Variants in SBNO1 observed in about 807,000 individuals in gnomAD.
The protein encoded by SBNO1 is strawberry notch homolog 1, also known as protein strawberry notch homolog 1.
In SBNO1, 23 loss-of-function variants were observed where a neutral mutation model predicts 173.6. The observed-to-expected ratio is 0.13, with a 90% confidence interval of 0.10 to 0.19. The LOEUF is 0.19. SBNO1 is among the 10% of genes least tolerant of loss of function. SBNO1 has a pLI of 1.00. For missense variants in SBNO1, 1,238 were observed against 1,671.2 expected (o/e 0.74, Z 4.52); for synonymous variants, 632 against 571.5 (o/e 1.11, Z -1.51).
intron 4 of SBNO1, among the ~76,000 whole-genome samples, chr12:123,342,212 T>TG (rs1872649318): frequency 6.6e-6 from 1 of 151,672 alleles, no homozygotes; most frequent in African/African-American, 2.4e-5. Context: ...ATTGCATCAT[T>TG]GAACTCCAGC....
intron 28 of SBNO1, among the ~76,000 whole-genome samples, chr12:123,306,764 G>C (rs1365232569): frequency 6.6e-6 from 1 of 152,046 alleles, no homozygotes; most frequent in African/African-American, 2.4e-5. Context: ...TCTTGGTTGT[G>C]ATATTACACT....
chr12:123,315,645 G>C lies in SBNO1; in HGVS notation c.2951C>G (p.Ser984Ter). The change falls in exon 22 of 32, where the codon TCA (serine) becomes TGA (stop). Residue 984 changes from serine to a stop codon, truncating the protein, a stop_gained. Coordinates refer to ENST00000602398, the MANE Select transcript of SBNO1 (RefSeq NM_001167856.3). LOFTEE classifies it high-confidence loss of function. Reference protein sequence around the residue: ...AIQQFGRTHRSNQVTAPEYVF... With the variant: ...AIQQFGRTHR The stretch of plus-strand genomic sequence containing the variant: ...ATACTCAGGAGCAGTAACTTGGTTT[G>C]ATCTATGAGTACGTCCTGCAACGAA... 1 of 1,611,026 alleles carries C rather than the reference G, an allele frequency of 6.2e-7. No homozygotes were observed. The highest frequency in any genetic ancestry group is 8.5e-7 in the Non-Finnish European group (1 of 1,177,348).
At chr12:123,311,374 GA>G (rs1279918392) in intron 24 of SBNO1, among the ~76,000 whole-genome samples, 2 of 152,088 alleles carry the variant, frequency 1.3e-5, no homozygotes, top group African/African-American at 4.8e-5. Context: ...TACATGTTAA[GA>G]TTCTTTTCTT....
chr12:123,307,503 A>G (rs1040956555), intron 28 of SBNO1, among the ~76,000 whole-genome samples: 4 of 152,224 alleles, frequency 2.6e-5, no homozygotes, highest in African/African-American at 7.2e-5. Flanking sequence ...TGCCTGTGCC[A>G]TCATCATACA....
intron 4 of SBNO1, among the ~76,000 whole-genome samples, chr12:123,343,527 C>T (rs1593397481): frequency 6.6e-6 from 1 of 151,150 alleles, no homozygotes; most frequent in South Asian, 2.1e-4. Context: ...CTTCAGCATT[C>T]ACTTACCATC....
At chr12:123,321,510 T>A (rs1473482429) in intron 17 of SBNO1, 25 bp downstream of exon 17, 2 of 1,474,296 alleles carry the variant, frequency 1.4e-6, no homozygotes, top group Non-Finnish European at 1.9e-6. Flanking sequence ...TATGCTTTCG[T>A]GTATATTTAA....
chr12:123,309,595 A>G lies in SBNO1; in HGVS notation c.3443-12T>C. 6.2e-7 allele frequency: 1 copy of G among 1,610,638 alleles called. No individual in the cohort carries two copies. The highest frequency in any genetic ancestry group is 8.5e-7 in the Non-Finnish European group (1 of 1,177,160). ...TCCAGAACCAAGATCTTGAACAAGA[A>G]AAAGAAACATGTAAATGTAAAAAGA... is the stretch of plus-strand genomic sequence containing the variant. On this transcript the variant is annotated splice_polypyrimidine_tract_variant and intron_variant, in intron 26 of 31. Coordinates refer to ENST00000602398, the MANE Select transcript of SBNO1 (RefSeq NM_001167856.3).
At chr12:123,301,021 T>C (rs1156357261) in intron 30 of SBNO1, among the ~76,000 whole-genome samples, 1 of 151,916 alleles carries the variant, frequency 6.6e-6, no homozygotes, top group Non-Finnish European at 1.5e-5. Flanking sequence ...TTTAAAACTT[T>C]TTTTTTTAGA....
At chr12:123,344,278 G>GA (rs1872864668) in intron 4 of SBNO1, among the ~76,000 whole-genome samples, 1 of 152,110 alleles carries the variant, frequency 6.6e-6, no homozygotes, top group Non-Finnish European at 1.5e-5. Context: ...GCAGAAAATG[G>GA]TATCAGTCCT....
chr12:123,337,688 T>A (rs1327987542), intron 5 of SBNO1, among the ~76,000 whole-genome samples: 1 of 152,192 alleles, frequency 6.6e-6, no homozygotes, highest in African/African-American at 2.4e-5. Flanking sequence ...AAAACAGGAC[T>A]GGCCAAATGA....
intron 1 of SBNO1, among the ~76,000 whole-genome samples, chr12:123,352,382 G>T (rs1381356618): frequency 6.6e-6 from 1 of 152,188 alleles, no homozygotes; most frequent in East Asian, 1.9e-4. Flanking sequence ...CGCGGTCTCG[G>T]CTCACTGCAA....
At chr12:123,335,336 G>A (rs1197281920) in intron 6 of SBNO1, among the ~76,000 whole-genome samples, 1 of 152,190 alleles carries the variant, frequency 6.6e-6, no homozygotes, top group Non-Finnish European at 1.5e-5. Context: ...CTACTCAAGA[G>A]GCTGAAGCAC....
intron 1 of SBNO1, 149 bp downstream of exon 1, chr12:123,364,552 G>T: frequency 1.0e-6 from 1 of 983,676 alleles, no homozygotes; most frequent in Non-Finnish European, 1.2e-6. Flanking sequence ...GCGCGGCCGC[G>T]AGGAGCGGCA....
Position 123,315,637 on chromosome 12 carries a change from C to T in SBNO1, c.2959G>A (p.Val987Ile), listed in dbSNP as rs747137107. The T allele has an allele frequency of 6.2e-7, 1 of 1,613,540 alleles. No homozygotes were observed. The highest frequency in any genetic ancestry group is 1.1e-5 in the South Asian group (1 of 91,066). ...QFGRTHRSNQ[V>I]TAPEYVFLIS... ...AGAAAGACATACTCAGGAGCAGTAA[C>T]TTGGTTTGATCTATGAGTACGTCCT... The change falls in exon 22 of 32, where the codon GTT (valine) becomes ATT (isoleucine). Residue 987 changes from valine to isoleucine, a missense_variant. Physicochemically the swap from Val to Ile is conservative, Grantham distance 29. This residue lies in a region of SBNO1 where 39 missense variants were observed against 129.7 expected (regional missense o/e 0.30). Coordinates refer to ENST00000602398, the MANE Select transcript of SBNO1 (RefSeq NM_001167856.3).
At chr12:123,300,086 G>C (rs1228312457) in intron 30 of SBNO1, among the ~76,000 whole-genome samples, 2 of 152,082 alleles carry the variant, frequency 1.3e-5, no homozygotes, top group Non-Finnish European at 2.9e-5. Context: ...AATGTTTTCT[G>C]GTTAAAATTA....
At chr12:123,331,399 T>C in intron 7 of SBNO1, 24 bp from the exon 8 acceptor site, 1 of 1,609,906 alleles carries the variant, frequency 6.2e-7, no homozygotes, top group Non-Finnish European at 8.5e-7. Context: ...GGCTGGTAAT[T>C]AATATAATCC....
At chr12:123,331,105 G>GGC in intron 8 of SBNO1, 137 bp downstream of exon 8, 1 of 740,842 alleles carries the variant, frequency 1.3e-6, no homozygotes, top group Non-Finnish European at 2.2e-6. Context: ...TGGGACTACA[G>GGC]GAACCCACCA....
chr12:123,324,265 A>G (rs1191706522), intron 15 of SBNO1, among the ~76,000 whole-genome samples: 2 of 151,940 alleles, frequency 1.3e-5, no homozygotes, highest in East Asian at 1.9e-4. Context: ...TGGACACGGT[A>G]GTTCTAGGCA....
Position 123,291,195 on chromosome 12 carries a change from G to A in SBNO1, c.*4713C>T, listed in dbSNP as rs191425085. 1 of 152,250 alleles carries A rather than the reference G, an allele frequency of 6.6e-6. No individual in the cohort carries two copies. The highest frequency in any genetic ancestry group is 1.5e-5 in the Non-Finnish European group (1 of 68,028). The allele number at this position is 152,250 out of a possible 1,614,324, so 9.4% of individuals were successfully genotyped here. On this transcript the variant is annotated 3_prime_UTR_variant, in exon 32 of 32. Coordinates refer to ENST00000602398, the MANE Select transcript of SBNO1 (RefSeq NM_001167856.3). ...CATCATTTGTAGGTTAAAAGCATAG[G>A]CCCGACTTCTTAAATAAACATAGGG...
Sources: gnomAD v4.1 joint callset for allele counts (sites outside exome capture counted in the v4.1 genomes callset) on GRCh38, gnomAD v4.1.1 for gene constraint, gnomAD v4.1.1 regional missense constraint, MANE v1.5 for transcripts, NCBI Gene and HGNC (gene_info 2026-07-23, HGNC 2026-07-21) for gene names.